Variants in SNTG1 observed in about 807,000 individuals in gnomAD.
SNTG1 encodes gamma-1-syntrophin.
SNTG1 carries 39 observed loss-of-function variants against 74.7 expected under a neutral mutation model. The ratio of observed to expected loss-of-function variants is 0.52; its 90% CI spans 0.40 to 0.68. SNTG1 has a LOEUF of 0.68. SNTG1 is among the 30% of genes least tolerant of loss of function. The pLI is 0.00. For synonymous variants in SNTG1, 254 were observed against 217.1 expected (o/e 1.17, Z -1.49); for missense variants, 685 against 609.5 (o/e 1.12, Z -1.30).
At chr8:50,383,212 C>G (rs1055631220) in intron 2 of SNTG1, among the ~76,000 whole-genome samples, 14 of 152,232 alleles carry the variant, frequency 9.2e-5, no homozygotes, top group African/African-American at 2.9e-4. Context: ...AAATAAAAAC[C>G]ATCACAAAGT....
intron 1 of SNTG1, among the ~76,000 whole-genome samples, chr8:50,039,182 G>T (rs62515376): frequency 1.3e-5 from 2 of 152,068 alleles, no homozygotes; most frequent in Non-Finnish European, 2.9e-5. Flanking sequence ...TAGGCTGGGC[G>T]TGGTGGCTCA....
intron 2 of SNTG1, among the ~76,000 whole-genome samples, chr8:50,213,974 C>T (rs1448800916): frequency 6.6e-6 from 1 of 151,856 alleles, no homozygotes; most frequent in Non-Finnish European, 1.5e-5. Flanking sequence ...TTGCCATTGC[C>T]TTTGGTGTTT....
chr8:49,995,549 G>A (rs1021709580), intron 1 of SNTG1, among the ~76,000 whole-genome samples: 2 of 152,226 alleles, frequency 1.3e-5, no homozygotes, highest in Non-Finnish European at 2.9e-5. Context: ...ATAGCATTCA[G>A]CAGTTCAGGG....
chr8:50,540,673 G>A (rs2094340158), intron 11 of SNTG1, among the ~76,000 whole-genome samples: 1 of 152,020 alleles, frequency 6.6e-6, no homozygotes, highest in African/African-American at 2.4e-5. Flanking sequence ...TAATTATGTT[G>A]TCAGATGCAA....
intron 13 of SNTG1, among the ~76,000 whole-genome samples, chr8:50,593,284 A>G (rs2094704278): frequency 6.6e-6 from 1 of 152,162 alleles, no homozygotes; most frequent in Non-Finnish European, 1.5e-5. Flanking sequence ...TTAGCTCCAC[A>G]TGAACTCTGC....
At chr8:50,648,302 T>C (rs1215106671) in intron 13 of SNTG1, among the ~76,000 whole-genome samples, 1 of 152,200 alleles carries the variant, frequency 6.6e-6, no homozygotes, top group Non-Finnish European at 1.5e-5. Flanking sequence ...CAGCAAAGTA[T>C]AGAGGTTGGA....
At chr8:50,684,749 T>TTTTTTTTTTTTTCTTTTTTTTTTA (rs1554610799) in intron 15 of SNTG1, among the ~76,000 whole-genome samples, 1 of 151,264 alleles carries the variant, frequency 6.6e-6, no homozygotes, top group African/African-American at 2.4e-5. Flanking sequence ...TCTTTTTTTT[T>TTTTTTTTTTTTTCTTTTTTTTTTA]ATTATACTTT....
chr8:50,617,927 T>A (rs1306986569), intron 13 of SNTG1, among the ~76,000 whole-genome samples: 1 of 152,156 alleles, frequency 6.6e-6, no homozygotes, highest in Non-Finnish European at 1.5e-5. Flanking sequence ...GCCTTTTAGT[T>A]TTTACTTTTT....
intron 1 of SNTG1, among the ~76,000 whole-genome samples, chr8:50,153,299 C>T (rs1586504377): frequency 6.6e-6 from 1 of 152,254 alleles, no homozygotes; most frequent in East Asian, 1.9e-4. Context: ...TCTAGTTAGC[C>T]ATTTGTCTAT....
intron 13 of SNTG1, among the ~76,000 whole-genome samples, chr8:50,653,009 T>C (rs2095157582): frequency 6.6e-6 from 1 of 152,002 alleles, no homozygotes; most frequent in Admixed American, 6.6e-5. Flanking sequence ...CTCTGTTTGG[T>C]ATAATTTTTT....
At chr8:50,502,913 C>T in intron 9 of SNTG1, 33 bp downstream of exon 9, 1 of 1,481,334 alleles carries the variant, frequency 6.8e-7, no homozygotes, top group Non-Finnish European at 9.4e-7. Flanking sequence ...TAAAAGTGCT[C>T]ACATCATTAT....
At chr8:50,281,166 C>T (rs1161381692) in intron 2 of SNTG1, among the ~76,000 whole-genome samples, 1 of 152,100 alleles carries the variant, frequency 6.6e-6, no homozygotes, top group Admixed American at 6.6e-5. Context: ...TGGTGCTACA[C>T]TAGAGTCAGG....
chr8:50,319,194 A>G (rs2090433850), intron 2 of SNTG1, among the ~76,000 whole-genome samples: 1 of 152,106 alleles, frequency 6.6e-6, no homozygotes, highest in Non-Finnish European at 1.5e-5. Context: ...GTAGAAATAC[A>G]TACTTACAAA....
chr8:50,415,387 A>G (rs547617469), intron 4 of SNTG1, among the ~76,000 whole-genome samples: 1 of 152,314 alleles, frequency 6.6e-6, no homozygotes, highest in South Asian at 2.1e-4. Flanking sequence ...AGGACACACT[A>G]GAAAGTGAAA....
rs144608521 is a variant in SNTG1 at position 50,394,253 on chromosome 8, C to T, written c.15C>T (p.Thr5=). The T allele has an allele frequency of 4.5e-5, 73 of 1,612,788 alleles. No individual in the cohort carries two copies. In the African/African-American group the frequency reaches 6.0e-4, roughly 13 times the overall value. The change falls in exon 3 of 19, where the codon ACC becomes ACT. Residue 5 remains threonine (T), a synonymous_variant. Coordinates refer to ENST00000642720, the MANE Select transcript of SNTG1 (RefSeq NM_018967.5). ...TGCCACAGCACATGGATTTCAGAAC[C>T]GCCTGTGAGGAGGTGAGTACAGAGC... MDFR[T]ACEETKTGIC...
At chr8:50,027,091 C>T (rs919164782) in intron 1 of SNTG1, among the ~76,000 whole-genome samples, 1 of 152,102 alleles carries the variant, frequency 6.6e-6, no homozygotes, top group African/African-American at 2.4e-5. Context: ...AGGGATTGAC[C>T]ATTCGACACA....
At chr8:50,670,946 G>C (rs2095278601) in intron 15 of SNTG1, among the ~76,000 whole-genome samples, 1 of 151,322 alleles carries the variant, frequency 6.6e-6, no homozygotes, top group Non-Finnish European at 1.5e-5. Context: ...ATGGGGAAAG[G>C]ATTCCCTATT....
At chr8:50,644,051 C>G (rs999468004) in intron 13 of SNTG1, 1 of 152,222 alleles carries the variant, frequency 6.6e-6, no homozygotes, top group African/African-American at 2.4e-5. Context: ...GGGAATCCAA[C>G]TGTGAGACAG....
chr8:50,342,741 G>A (rs1228098973), intron 2 of SNTG1, among the ~76,000 whole-genome samples: 1 of 151,972 alleles, frequency 6.6e-6, no homozygotes, highest in Non-Finnish European at 1.5e-5. Flanking sequence ...AAATAACTTT[G>A]CAAGAAAAAA....
Sources: gnomAD v4.1 joint callset for allele counts (sites outside exome capture counted in the v4.1 genomes callset) on GRCh38, gnomAD v4.1.1 for gene constraint, MANE v1.5 for transcripts, NCBI Gene and HGNC (gene_info 2026-07-23, HGNC 2026-07-21) for gene names.